CTNNA2: variants seen among roughly 807,000 people sequenced by gnomAD.
The protein encoded by CTNNA2 is catenin alpha-2.
A neutral mutation model predicts 101.0 loss-of-function variants in CTNNA2; 42 were observed. The observed-to-expected ratio is 0.42, with a 90% CI of 0.32 to 0.54. The LOEUF (loss-of-function observed/expected upper bound fraction) is 0.54, where lower values mean the gene tolerates loss of function less well. Ranked by LOEUF, CTNNA2 falls within the 20% of genes least tolerant of loss-of-function variation. The pLI is 0.14. For missense variants in CTNNA2, 871 were observed against 1,223.1 expected (o/e 0.71, Z 4.29); for synonymous variants, 450 against 456.4 (o/e 0.99, Z 0.18).
chr2:79,545,504 T>TAAC (rs1316058035), intron 1 of CTNNA2, among the ~76,000 whole-genome samples: 2 of 152,242 alleles, frequency 1.3e-5, no homozygotes, highest in Non-Finnish European at 2.9e-5. Context: ...CTTGATCTGT[T>TAAC]GGCTTTTGTT....
At chr2:79,414,649 T>C (rs1573155203) in intron 4 of CTNNA2, among the ~76,000 whole-genome samples, 1 of 152,098 alleles carries the variant, frequency 6.6e-6, no homozygotes, top group South Asian at 2.1e-4. Context: ...ATTATGAAAA[T>C]GATGTTATGC....
chr2:80,056,989 A>C (rs1482164979), intron 7 of CTNNA2, among the ~76,000 whole-genome samples: 1 of 152,222 alleles, frequency 6.6e-6, no homozygotes, highest in Non-Finnish European at 1.5e-5. Flanking sequence ...TTGTATGAGA[A>C]TTTGAATTTA....
chr2:80,600,643 CCAT>C (rs1697410914), intron 15 of CTNNA2, among the ~76,000 whole-genome samples: 1 of 152,080 alleles, frequency 6.6e-6, no homozygotes, highest in Non-Finnish European at 1.5e-5. Context: ...TTTTTAATAA[CCAT>C]CAGCTTGACA....
chr2:79,977,575 A>G (rs1411362074), intron 7 of CTNNA2, among the ~76,000 whole-genome samples: 2 of 152,146 alleles, frequency 1.3e-5, no homozygotes, highest in Non-Finnish European at 2.9e-5. Flanking sequence ...TTCTGTTCTA[A>G]TATCAAAAAT....
intron 15 of CTNNA2, among the ~76,000 whole-genome samples, chr2:80,589,868 G>A (rs1350275270): frequency 1.6e-5 from 2 of 121,410 alleles, no homozygotes; most frequent in Non-Finnish European, 3.5e-5. Flanking sequence ...CTCTGTGTGT[G>A]TGTGTGTGTG....
In CTNNA2 at chr2:79,945,890, C is replaced by A. The variant is rs188281828; in HGVS notation, c.1056+36093C>A. On this transcript the variant is annotated intron_variant, in intron 7 of 18. Coordinates refer to ENST00000402739, the MANE Select transcript of CTNNA2 (RefSeq NM_001282597.3). ...TCAGTGTTCATTTTATTGTGTCATGCTTGCTAAGACAGAGCTGCACACACG... is the reference window on the plus strand; with the variant it reads ...TCAGTGTTCATTTTATTGTGTCATGATTGCTAAGACAGAGCTGCACACACG... Among the ~76,000 whole-genome samples, 14 of 152,172 alleles carry A rather than the reference C, an allele frequency of 9.2e-5. No individual in the cohort carries two copies. In the East Asian group the frequency reaches 2.7e-3, roughly 30 times the overall value.
intron 2 of CTNNA2, among the ~76,000 whole-genome samples, chr2:79,719,791 A>G (rs1686358797): frequency 6.6e-6 from 1 of 152,134 alleles, no homozygotes; most frequent in Non-Finnish European, 1.5e-5. Context: ...TCTGGATACT[A>G]GACCTTTGTC....
intron 3 of CTNNA2, among the ~76,000 whole-genome samples, chr2:79,804,657 T>A (rs1192974453): frequency 3.9e-5 from 6 of 152,242 alleles, no homozygotes; most frequent in African/African-American, 1.4e-4. Context: ...ACTATTTTTT[T>A]TATATATTTA....
intron 7 of CTNNA2, among the ~76,000 whole-genome samples, chr2:79,956,679 T>C (rs1056920893): frequency 6.6e-5 from 10 of 152,156 alleles, no homozygotes; most frequent in African/African-American, 2.4e-4. Flanking sequence ...TCTCAAGTCA[T>C]CCAGTTTCAA....
chr2:80,485,320 C>T (rs933248452), intron 9 of CTNNA2, among the ~76,000 whole-genome samples: 1 of 152,142 alleles, frequency 6.6e-6, no homozygotes, highest in African/African-American at 2.4e-5. Context: ...AAAAAAATAC[C>T]TTTACTCTTA....
intron 3 of CTNNA2, among the ~76,000 whole-genome samples, chr2:79,343,971 A>T (rs548896666): frequency 2.6e-4 from 39 of 152,276 alleles, no homozygotes; most frequent in Admixed American, 7.2e-4. Context: ...CGGATCTAAG[A>T]TCCAAAACCA....
intron 3 of CTNNA2, among the ~76,000 whole-genome samples, chr2:79,783,372 C>A (rs1163343729): frequency 1.3e-5 from 2 of 152,154 alleles, no homozygotes; most frequent in Non-Finnish European, 2.9e-5. Context: ...GAAGTGGAAT[C>A]TCTACTAGGA....
chr2:80,027,142 G>A (rs933622123), intron 7 of CTNNA2, among the ~76,000 whole-genome samples: 3 of 152,204 alleles, frequency 2.0e-5, no homozygotes, highest in South Asian at 2.1e-4. Context: ...TACCAGAGCT[G>A]TGGCCATGCA....
chr2:80,340,295 C>T (rs548485634), intron 7 of CTNNA2, among the ~76,000 whole-genome samples: 85 of 152,326 alleles, frequency 5.6e-4, no homozygotes, highest in African/African-American at 2.0e-3. Flanking sequence ...GCTTGCTCAT[C>T]TGTCTGAACC....
intron 3 of CTNNA2, among the ~76,000 whole-genome samples, chr2:79,755,408 C>A (rs143833670): frequency 6.6e-6 from 1 of 152,130 alleles, no homozygotes; most frequent in African/African-American, 2.4e-5. Context: ...TGGAGGATGT[C>A]GTTCTTGAGT....
intron 4 of CTNNA2, among the ~76,000 whole-genome samples, chr2:79,435,305 T>C (rs1678701703): frequency 6.6e-6 from 1 of 152,202 alleles, no homozygotes; most frequent in Non-Finnish European, 1.5e-5. Context: ...TCATATGGCC[T>C]GCTTAATGTT....
At chr2:79,769,946 A>G (rs1426081852) in intron 3 of CTNNA2, among the ~76,000 whole-genome samples, 1 of 152,228 alleles carries the variant, frequency 6.6e-6, no homozygotes, top group Non-Finnish European at 1.5e-5. Flanking sequence ...TTAAAATGTG[A>G]CTAGTGTGAC....
At position 79,218,458 on chromosome 2, in the gene CTNNA2, T is replaced by C. The variant is rs1572984757; in HGVS notation, c.-406+20382T>C. 1.3e-5 allele frequency among the ~76,000 whole-genome samples: 2 copies of C among 151,914 alleles called. 1 individual carries two copies. Among genetic ancestry groups the C allele is most frequent in the South Asian group, 4.1e-4 (2 of 4,820 alleles). Reference sequence around the variant, plus strand: ...TCAGCCTCCCAAAGAGCTGGGATTATAGGCGTGAGCCACTGCACACAGCTT... The same window carrying C: ...TCAGCCTCCCAAAGAGCTGGGATTACAGGCGTGAGCCACTGCACACAGCTT... On this transcript the variant is annotated intron_variant, in intron 2 of 21. Coordinates refer to the CTNNA2 transcript ENST00000466387.
intron 1 of CTNNA2, among the ~76,000 whole-genome samples, chr2:79,582,976 AG>A (rs1157254522): frequency 6.6e-6 from 1 of 152,098 alleles, no homozygotes; most frequent in African/African-American, 2.4e-5. Context: ...ATAAAAATGG[AG>A]TCATGTAATG....
Sources: allele counts gnomAD v4.1 joint callset (sites outside exome capture counted in the v4.1 genomes callset), GRCh38; gene constraint gnomAD v4.1.1; transcripts MANE v1.5; gene names NCBI Gene and HGNC (gene_info 2026-07-23, HGNC 2026-07-21).